The following CHSY3 variants were observed in gnomAD, a reference collection of about 807,000 sequenced individuals.
CHSY3 encodes the protein chondroitin sulfate synthase 3, also known as N-acetylgalactosaminyl-proteoglycan 3-beta-glucuronosyltransferase 3.
Under a neutral mutation model 67.2 loss-of-function variants are expected in CHSY3, and 35 were observed. The observed-to-expected ratio is 0.52, with a 90% CI of 0.40 to 0.69. The LOEUF (loss-of-function observed/expected upper bound fraction) is 0.69. CHSY3 is among the 30% of genes least tolerant of loss of function. The probability of loss-of-function intolerance (pLI) is 0.00; values close to 1 mark genes in which losing one functional copy is unlikely to be tolerated. For synonymous variants in CHSY3, 474 were observed against 434.7 expected (o/e 1.09, Z -1.12); for missense variants, 1,069 against 1,138.5 (o/e 0.94, Z 0.88).
chr5:130,055,513 A>T (rs1371768238), intron 2 of CHSY3, among the ~76,000 whole-genome samples: 2 of 152,126 alleles, frequency 1.3e-5, no homozygotes, highest in Non-Finnish European at 2.9e-5. Flanking sequence ...TGTACTGATG[A>T]TATGTTAGAA....
At chr5:129,997,155 A>G (rs1045337832) in intron 2 of CHSY3, among the ~76,000 whole-genome samples, 1 of 151,740 alleles carries the variant, frequency 6.6e-6, no homozygotes, top group African/African-American at 2.4e-5. Context: ...CTTCTGTTTC[A>G]TTCTTGAGGA....
At chr5:130,027,342 G>A (rs889940402) in intron 2 of CHSY3, among the ~76,000 whole-genome samples, 2 of 152,076 alleles carry the variant, frequency 1.3e-5, no homozygotes, top group African/African-American at 4.8e-5. Flanking sequence ...GGGTAGTAGA[G>A]CACCTCAACC....
At chr5:130,128,671 A>C (rs1480237088) in intron 2 of CHSY3, among the ~76,000 whole-genome samples, 2 of 152,152 alleles carry the variant, frequency 1.3e-5, no homozygotes, top group African/African-American at 4.8e-5. Context: ...TTCTTAACAC[A>C]AAAAATGATA....
chr5:130,093,536 A>T (rs1174591495), intron 2 of CHSY3, among the ~76,000 whole-genome samples: 1 of 152,164 alleles, frequency 6.6e-6, no homozygotes, highest in Non-Finnish European at 1.5e-5. Context: ...TTGCATACTT[A>T]TTTATACTAG....
At chr5:130,110,479 C>T (rs1767557069) in intron 2 of CHSY3, among the ~76,000 whole-genome samples, 2 of 151,954 alleles carry the variant, frequency 1.3e-5, no homozygotes, top group South Asian at 2.1e-4. Context: ...TCTGACATTT[C>T]TCAAAGGAGA....
intron 2 of CHSY3, among the ~76,000 whole-genome samples, chr5:130,077,630 T>C (rs1286326653): frequency 6.6e-6 from 1 of 152,162 alleles, no homozygotes; most frequent in East Asian, 1.9e-4. Context: ...TAATATGTTG[T>C]ATACAAGCAG....
rs200127791 is a variant in CHSY3, at chr5:130,147,463, A to T, written c.1087-36766A>T. Among the ~76,000 whole-genome samples the T allele has an allele frequency of 4.6e-5, 7 of 152,342 alleles. No homozygotes were observed. The East Asian group carries it at 1.3e-3, about 29-fold the overall frequency. ...AAGATTAAATGCCTGGCTTAACATT[A>T]TCAGAAAATGACGTTCCTTTTATGA... On this transcript the variant is annotated intron_variant, in intron 2 of 2. Coordinates refer to ENST00000305031, the MANE Select transcript of CHSY3 (RefSeq NM_175856.5).
chr5:130,143,433 A>T (rs754655225), intron 2 of CHSY3, among the ~76,000 whole-genome samples: 4 of 152,054 alleles, frequency 2.6e-5, no homozygotes, highest in Non-Finnish European at 5.9e-5. Flanking sequence ...ATATGAATTT[A>T]TACATAGTAA....
chr5:129,962,880 G>A (rs544619960), intron 2 of CHSY3, among the ~76,000 whole-genome samples: 1 of 152,078 alleles, frequency 6.6e-6, no homozygotes, highest in Admixed American at 6.6e-5. Context: ...TAGAACACAT[G>A]GGTTGTGATG....
chr5:130,072,539 C>G (rs192219332), intron 2 of CHSY3, among the ~76,000 whole-genome samples: 2 of 152,130 alleles, frequency 1.3e-5, no homozygotes, highest in Admixed American at 1.3e-4. Context: ...TATGCCAGTA[C>G]CATGCTGTTT....
chr5:130,064,199 A>G (rs1474704792), intron 2 of CHSY3, among the ~76,000 whole-genome samples: 1 of 152,102 alleles, frequency 6.6e-6, no homozygotes, highest in Non-Finnish European at 1.5e-5. Flanking sequence ...CCATAAGATG[A>G]TAGACATTCC....
intron 2 of CHSY3, among the ~76,000 whole-genome samples, chr5:129,960,373 G>T (rs910664902): frequency 1.3e-5 from 2 of 152,104 alleles, no homozygotes; most frequent in South Asian, 4.2e-4. Flanking sequence ...CTTTAAAATG[G>T]TCATTGAGGT....
At chr5:130,097,741 C>T (rs1421316862) in intron 2 of CHSY3, among the ~76,000 whole-genome samples, 1 of 152,176 alleles carries the variant, frequency 6.6e-6, no homozygotes, top group Non-Finnish European at 1.5e-5. Context: ...CGGTGGCTCA[C>T]GCCTGTAATC....
chr5:129,969,757 G>T lies in CHSY3; in HGVS notation c.1086+61397G>T, dbSNP rs541992478. On this transcript the variant is annotated intron_variant, in intron 2 of 2. Transcript: ENST00000305031. ...GTGGCGGAATAATTTTGGTAAGGTT[G>T]TCTTAAGTGCCATTTCTACAATAAT... 1.4e-4 allele frequency among the ~76,000 whole-genome samples: 22 copies of T among 151,916 alleles called. No homozygotes were observed. In the South Asian group the frequency reaches 2.9e-3, roughly 20 times the overall value.
In CHSY3 at chr5:130,024,696, C is replaced by G. The variant is rs572949965; in HGVS notation, c.1086+116336C>G. Among the ~76,000 whole-genome samples the G allele has an allele frequency of 1.5e-4, 23 of 152,142 alleles. No homozygotes were observed. The East Asian group carries it at 4.4e-3, about 29-fold the overall frequency. ...TCAGAGATTAGAAATTATTGGTAAA[C>G]ATGAATAGCATGAAAAAAAATTGGA... On this transcript the variant is annotated intron_variant, in intron 2 of 2. Coordinates refer to ENST00000305031, the MANE Select transcript of CHSY3 (RefSeq NM_175856.5).
intron 2 of CHSY3, among the ~76,000 whole-genome samples, chr5:130,042,056 A>C (rs1000138): frequency 0.016 from 2,440 of 152,082 alleles, 68 homozygotes; most frequent in African/African-American, 0.055. Context: ...GCAACATATT[A>C]AGACCTCATC....
At chr5:130,021,987 A>C (rs997634204) in intron 2 of CHSY3, among the ~76,000 whole-genome samples, 7 of 152,058 alleles carry the variant, frequency 4.6e-5, no homozygotes, top group Admixed American at 4.6e-4. Flanking sequence ...TAATTAACTG[A>C]AATCATTATT....
intron 2 of CHSY3, among the ~76,000 whole-genome samples, chr5:130,037,743 A>G (rs569656552): frequency 1.6e-4 from 25 of 152,218 alleles, no homozygotes; most frequent in African/African-American, 6.0e-4. Flanking sequence ...GGAAAGGGCA[A>G]TATTCCTCAA....
At chr5:130,169,192 C>T (rs1018379198) in intron 2 of CHSY3, among the ~76,000 whole-genome samples, 1 of 152,058 alleles carries the variant, frequency 6.6e-6, no homozygotes, top group Non-Finnish European at 1.5e-5. Flanking sequence ...GAACTATGTT[C>T]TCCTCTGTAC....
Sources: gnomAD v4.1 joint callset for allele counts (sites outside exome capture counted in the v4.1 genomes callset) on GRCh38, gnomAD v4.1.1 for gene constraint, MANE v1.5 for transcripts, NCBI Gene and HGNC (gene_info 2026-07-23, HGNC 2026-07-21) for gene names.